The following AFF1 variants were observed in gnomAD, a reference collection of about 807,000 sequenced individuals.
AFF1 encodes the protein AF4/FMR2 family member 1.
Under a neutral mutation model 121.7 loss-of-function variants are expected in AFF1, and 48 were observed. The observed-to-expected ratio is 0.39, with a 90% CI of 0.31 to 0.50. AFF1 has a LOEUF of 0.50. Ranked by LOEUF, AFF1 falls within the 20% of genes least tolerant of loss-of-function variation. The pLI is 0.76. For missense variants in AFF1, 1,523 were observed against 1,511.7 expected, an observed-to-expected ratio of 1.01 and a Z score of -0.12; for synonymous variants, 613 against 563.0, an observed-to-expected ratio of 1.09 and a Z score of -1.26.
intron 4 of AFF1, among the ~76,000 whole-genome samples, chr4:87,081,149 TG>T: frequency 7.8e-6 from 1 of 128,958 alleles, no homozygotes. Flanking sequence ...TCTAATGAAA[TG>T]AATTTTTTTT....
intron 2 of AFF1, among the ~76,000 whole-genome samples, chr4:86,954,923 T>C (rs933077407): frequency 6.6e-6 from 1 of 152,188 alleles, no homozygotes; most frequent in African/African-American, 2.4e-5. Flanking sequence ...GTTCAATATA[T>C]TTAAATATCT....
Position 87,094,908 on chromosome 4 carries a change from C to T in AFF1, c.1229-7C>T. 1.2e-6 allele frequency: 2 copies of T among 1,612,998 alleles called. No homozygotes were observed. Among genetic ancestry groups the T allele is most frequent in the Non-Finnish European group, 1.7e-6 (2 of 1,179,074 alleles). ...TTGTGCTGCTTTGATGTTTCTCTCC[C>T]CCACAGAACAATATGATACATCTTC... is the stretch of plus-strand genomic sequence containing the variant. On this transcript the variant is annotated splice_polypyrimidine_tract_variant and splice_region_variant and intron_variant, in intron 7 of 20. Coordinates refer to ENST00000395146, the MANE Select transcript of AFF1 (RefSeq NM_001166693.3).
chr4:87,060,193 T>A (rs1363179859), intron 4 of AFF1, among the ~76,000 whole-genome samples: 3 of 152,328 alleles, frequency 2.0e-5, no homozygotes, highest in East Asian at 1.9e-4. Flanking sequence ...TCATTAGGAA[T>A]TTTTAGTTGA....
rs1360676917 is a variant in AFF1, at chr4:86,950,057, A to T, written c.38+1486A>T. The T allele has an allele frequency of 1.9e-5, 30 of 1,613,916 alleles. 1 individual carries two copies. The highest frequency in any genetic ancestry group is 2.4e-5 in the Non-Finnish European group (28 of 1,179,990). ...AGGGGGAGTGTAGAGAGGGTGATTG[A>T]TGTAATAGGCCATCCACGCGGCGAA... On this transcript the variant is annotated intron_variant, in intron 2 of 20. Transcript: ENST00000395146.
chr4:87,033,520 A>G (rs1026655645), intron 2 of AFF1, among the ~76,000 whole-genome samples: 1 of 152,154 alleles, frequency 6.6e-6, no homozygotes, highest in Non-Finnish European at 1.5e-5. Context: ...AGTTTGGTGT[A>G]TGTTTGGGAT....
At chr4:86,945,723 C>CT (rs375594367) in intron 1 of AFF1, among the ~76,000 whole-genome samples, 3 of 151,984 alleles carry the variant, frequency 2.0e-5, no homozygotes, top group African/African-American at 7.3e-5. Flanking sequence ...TGATCTTGAA[C>CT]TTAAGCAGTC....
intron 2 of AFF1, among the ~76,000 whole-genome samples, chr4:87,009,120 T>C (rs1282249725): frequency 6.6e-6 from 1 of 152,208 alleles, no homozygotes; most frequent in Admixed American, 6.5e-5. Context: ...ACAAGCTAAA[T>C]TGGACACTGC....
intron 5 of AFF1, among the ~76,000 whole-genome samples, chr4:87,087,708 G>C (rs1723876801): frequency 6.6e-6 from 1 of 152,176 alleles, no homozygotes. Context: ...AACCACTTAG[G>C]GTTTGAAAGA....
intron 2 of AFF1, among the ~76,000 whole-genome samples, chr4:86,961,191 G>A (rs542368679): frequency 8.5e-5 from 13 of 152,188 alleles, no homozygotes; most frequent in African/African-American, 2.6e-4. Context: ...TTTAATAAGC[G>A]CAGTGACCAG....
At chr4:86,985,155 AAATAT>A (rs1406418296) in intron 2 of AFF1, among the ~76,000 whole-genome samples, 15 of 28,848 alleles carry the variant, frequency 5.2e-4, no homozygotes, top group Non-Finnish European at 9.3e-4. Flanking sequence ...TAATATATAA[AAATAT>A]AATATATATA....
At chr4:87,107,922 T>C (rs1726084186) in intron 10 of AFF1, among the ~76,000 whole-genome samples, 1 of 152,214 alleles carries the variant, frequency 6.6e-6, no homozygotes, top group South Asian at 2.1e-4. Flanking sequence ...GACATATTCT[T>C]CAGGAGTAAA....
chr4:87,126,217 A>T lies in AFF1; in HGVS notation c.2692A>T (p.Thr898Ser). 3.1e-6 allele frequency: 5 copies of T among 1,614,094 alleles called. No homozygotes were observed. The highest frequency in any genetic ancestry group is 4.2e-6 in the Non-Finnish European group (5 of 1,180,018). ...ALKRSRREAD[T>S]CGQDPPKSAS... ...TAAGAGGTCAAGGCGGGAAGCAGAC[A>T]CCTGTGGCCAGGACCCTCCCAAAAG... Residue 898 changes from threonine to serine, a missense_variant, in exon 14 of 21, where the codon ACC becomes TCC. Transcript: ENST00000395146.
chr4:87,051,531 G>C (rs1731257544), intron 4 of AFF1, among the ~76,000 whole-genome samples: 1 of 151,662 alleles, frequency 6.6e-6, no homozygotes, highest in Non-Finnish European at 1.5e-5. Flanking sequence ...CGCAATCTTG[G>C]CTCACTGCAA....
chr4:86,942,663 G>A (rs572367196), intron 1 of AFF1, among the ~76,000 whole-genome samples: 3 of 152,316 alleles, frequency 2.0e-5, no homozygotes, highest in Non-Finnish European at 4.4e-5. Context: ...GGGTGACCTA[G>A]TTCTGGTTTT....
At position 87,126,010 on chromosome 4, in the gene AFF1, T is replaced by A. The variant is rs558626532; in HGVS notation, c.2574-89T>A. 59 of 1,314,812 alleles carry A rather than the reference T, an allele frequency of 4.5e-5. No homozygotes were observed. In the African/African-American group the frequency reaches 7.8e-4, roughly 17 times the overall value. 81.4% of individuals were successfully genotyped at this position (1,314,812 alleles called of 1,614,324 possible). A position where few individuals can be genotyped will look rare whatever the true frequency, so the allele number is the denominator to read the frequency against. ...TCATGCTTTGTGATACCCTACTCTT[T>A]TGTGCCAGCAGCCAGTTTGTAACTA... On this transcript the variant is annotated intron_variant, in intron 13 of 20. Coordinates refer to ENST00000395146, the MANE Select transcript of AFF1 (RefSeq NM_001166693.3).
chr4:87,096,179 G>A (rs1379626469), intron 8 of AFF1, among the ~76,000 whole-genome samples: 2 of 152,022 alleles, frequency 1.3e-5, no homozygotes, highest in East Asian at 3.9e-4. Context: ...TGAAAGATGG[G>A]TTTTGTGCAT....
chr4:87,078,472 G>C (rs2149691956), intron 4 of AFF1, among the ~76,000 whole-genome samples: 1 of 152,304 alleles, frequency 6.6e-6, no homozygotes, highest in South Asian at 2.1e-4. Context: ...TATCTAGAGG[G>C]AGTAGAGAGG....
chr4:86,966,119 G>A (rs1228768564), intron 2 of AFF1, among the ~76,000 whole-genome samples: 1 of 149,658 alleles, frequency 6.7e-6, no homozygotes, highest in Non-Finnish European at 1.5e-5. Context: ...TTTCTACAGT[G>A]AGATAGTGAC....
chr4:87,120,611 G>A (rs895929775), intron 12 of AFF1, among the ~76,000 whole-genome samples: 1 of 152,194 alleles, frequency 6.6e-6, no homozygotes, highest in Non-Finnish European at 1.5e-5. Flanking sequence ...CTCAAGAGGC[G>A]CACAAGGTCG....
Sources: allele counts gnomAD v4.1 joint callset (sites outside exome capture counted in the v4.1 genomes callset), GRCh38; gene constraint gnomAD v4.1.1; transcripts MANE v1.5; gene names NCBI Gene and HGNC (gene_info 2026-07-23, HGNC 2026-07-21).